The following PDE5A variants were observed in gnomAD, a reference collection of about 807,000 sequenced individuals.
PDE5A encodes cGMP-specific 3',5'-cyclic phosphodiesterase.
Under a neutral mutation model 110.2 loss-of-function variants are expected in PDE5A, and 67 were observed. The ratio of observed to expected loss-of-function variants is 0.61; its 90% CI spans 0.50 to 0.75. The LOEUF (loss-of-function observed/expected upper bound fraction) is 0.75. Ranked by LOEUF, PDE5A falls within the 30% of genes least tolerant of loss-of-function variation. The probability of loss-of-function intolerance (pLI) is 0.00; values close to 1 mark genes in which losing one functional copy is unlikely to be tolerated. For synonymous variants in PDE5A, 328 were observed against 351.2 expected (o/e 0.93, Z 0.74); for missense variants, 862 against 1,045.1 (o/e 0.82, Z 2.42).
At chr4:119,568,254 T>C (rs754662200) in intron 3 of PDE5A, among the ~76,000 whole-genome samples, 21 of 152,166 alleles carry the variant, frequency 1.4e-4, no homozygotes, top group Non-Finnish European at 2.8e-4. Flanking sequence ...TATTTTTACA[T>C]GCTCTTTAGC....
At position 119,553,675 on chromosome 4, in the gene PDE5A, A is replaced by G; in HGVS notation, c.1271T>C (p.Ile424Thr). ...TCTTTTATCCTTACTGACATCTGGG[A>G]TATTAAGTGGTTCCATAGTATTTTT... ...YVKNTMEPLN[I>T]PDVSKDKRFP... is the part of the protein sequence containing the mutation. Residue 424 changes from isoleucine to threonine, a missense_variant, in exon 8 of 21, where the codon ATC becomes ACC. Transcript: ENST00000354960. The G allele has an allele frequency of 6.3e-7, 1 of 1,593,198 alleles. No individual in the cohort carries two copies. Among genetic ancestry groups the G allele is most frequent in the Non-Finnish European group, 8.6e-7 (1 of 1,161,184 alleles).
intron 1 of PDE5A, among the ~76,000 whole-genome samples, chr4:119,624,155 C>G (rs1370128368): frequency 6.6e-6 from 1 of 152,070 alleles, no homozygotes; most frequent in Non-Finnish European, 1.5e-5. Context: ...TATAAAAATA[C>G]TATAAACAAT....
intron 1 of PDE5A, among the ~76,000 whole-genome samples, chr4:119,613,750 G>A (rs377528139): frequency 2.0e-5 from 3 of 151,122 alleles, no homozygotes; most frequent in African/African-American, 7.3e-5. Flanking sequence ...ATTCACATTA[G>A]TGCTACTGAA....
chr4:119,607,075 G>C lies in PDE5A; in HGVS notation c.375C>G (p.Leu125=), dbSNP rs759476959. The change falls in exon 2 of 21, where the codon CTC becomes CTG. Residue 125 remains leucine, a synonymous_variant. Transcript: ENST00000354960. ...VKDSEGTVSF[L]SDSEKKEQMP... is the part of the protein sequence containing the mutation. ...TCTGTTCCTTCTTTTCTGAGTCAGA[G>C]AGGAAGCTCACAGTTCCCTCAGAAT... 1.2e-6 allele frequency: 2 copies of C among 1,614,180 alleles called. No homozygotes were observed. Among genetic ancestry groups the C allele is most frequent in the Non-Finnish European group, 1.7e-6 (2 of 1,180,006 alleles).
intron 20 of PDE5A, 196 bp downstream of exon 20, chr4:119,500,974 T>C: frequency 1.8e-6 from 1 of 550,842 alleles, no homozygotes; most frequent in Non-Finnish European, 3.2e-6. Context: ...TAGCACATAG[T>C]AGGCACTCAA....
intron 1 of PDE5A, among the ~76,000 whole-genome samples, chr4:119,620,236 T>C (rs1730095993): frequency 6.6e-6 from 1 of 152,210 alleles, no homozygotes; most frequent in South Asian, 2.1e-4. Flanking sequence ...TAACCTCTAC[T>C]CTGATGTTAC....
chr4:119,553,368 T>A (rs1423922824), intron 8 of PDE5A, among the ~76,000 whole-genome samples: 3 of 149,548 alleles, frequency 2.0e-5, no homozygotes. Context: ...ATTGACATTA[T>A]GTAGGTAATA....
chr4:119,572,807 G>A (rs1435384765), intron 3 of PDE5A, among the ~76,000 whole-genome samples: 1 of 152,118 alleles, frequency 6.6e-6, no homozygotes, highest in Admixed American at 6.5e-5. Flanking sequence ...GACAACTACT[G>A]ATACAGAATT....
chr4:119,542,667 T>A (rs1268600412), intron 9 of PDE5A, 33 bp from the exon 10 acceptor site: 9 of 1,587,224 alleles, frequency 5.7e-6, no homozygotes, highest in Non-Finnish European at 7.8e-6. Flanking sequence ...GCAAATGTTA[T>A]TGTTGATTAT....
At chr4:119,550,954 A>T (rs1727331649) in intron 9 of PDE5A, among the ~76,000 whole-genome samples, 2 of 152,200 alleles carry the variant, frequency 1.3e-5, no homozygotes, top group Admixed American at 6.5e-5. Flanking sequence ...CAATCTTTAA[A>T]AAAGATCTCA....
intron 1 of PDE5A, chr4:119,628,176 G>T: frequency 3.1e-6 from 1 of 320,920 alleles, no homozygotes. Flanking sequence ...TTTGGGTTTT[G>T]CTGATTGGAT....
chr4:119,558,541 T>C (rs1419121217), intron 7 of PDE5A, among the ~76,000 whole-genome samples: 2 of 152,170 alleles, frequency 1.3e-5, no homozygotes, highest in Admixed American at 6.5e-5. Context: ...AAATAAAGAA[T>C]TTGCTGGTGA....
chr4:119,529,724 C>A (rs536016787), intron 11 of PDE5A, among the ~76,000 whole-genome samples: 3 of 152,138 alleles, frequency 2.0e-5, no homozygotes, highest in African/African-American at 7.2e-5. Flanking sequence ...TAGTTAAATT[C>A]TTTTCTGCTT....
intron 12 of PDE5A, among the ~76,000 whole-genome samples, chr4:119,522,222 TC>T (rs142383799): frequency 0.03 from 4,563 of 152,136 alleles, 88 homozygotes; most frequent in South Asian, 0.068. Context: ...CACTAATGTC[TC>T]CTAACCTTTT....
Position 119,497,433 on chromosome 4 carries a change from G to A in PDE5A, c.*1168C>T, listed in dbSNP as rs1725115489. 1 of 152,100 alleles carries A rather than the reference G, an allele frequency of 6.6e-6. No individual in the cohort carries two copies. Among genetic ancestry groups the A allele is most frequent in the South Asian group, 2.1e-4 (1 of 4,828 alleles). The allele number at this position is 152,100 out of a possible 1,614,324, so 9.4% of individuals were successfully genotyped here. On this transcript the variant is annotated 3_prime_UTR_variant, in exon 21 of 21. Coordinates refer to ENST00000354960, the MANE Select transcript of PDE5A (RefSeq NM_001083.4). ...GTTATGGGAAGAAAATACATTGAAT[G>A]TGAGTTAAGGGCCAGTGTTTAGCAT...
intron 15 of PDE5A, among the ~76,000 whole-genome samples, chr4:119,509,266 G>A (rs897860337): frequency 1.3e-5 from 2 of 152,092 alleles, no homozygotes; most frequent in Non-Finnish European, 2.9e-5. Context: ...GGACAGGCCA[G>A]TCTGGCAGGT....
At position 119,621,747 on chromosome 4, in the gene PDE5A, A is replaced by G. The variant is rs149337765; in HGVS notation, c.152+6773T>C. Among the ~76,000 whole-genome samples the G allele has an allele frequency of 4.9e-4, 75 of 152,374 alleles. No homozygotes were observed. The Middle Eastern group carries it at 0.024, about 48-fold the overall frequency. ...CACAGCTAACCCAATCCCGCAAGCA[A>G]TTAAAATTATGTGCATCAATTCTCT... On this transcript the variant is annotated intron_variant, in intron 1 of 20. Coordinates refer to ENST00000354960, the MANE Select transcript of PDE5A (RefSeq NM_001083.4).
At position 119,519,113 on chromosome 4, in the gene PDE5A, A is replaced by T. The variant is rs767452686; in HGVS notation, c.1932T>A (p.Leu644=). ...IQNKLTDLEI[L]ALLIAALSHD... is the part of the protein sequence containing the mutation. ...GGCTTAGTGCAGCAATCAGCAATGCAAGTATCTCCAGGTCAGTCAGCTTGT... is the reference window on the plus strand; with the variant it reads ...GGCTTAGTGCAGCAATCAGCAATGCTAGTATCTCCAGGTCAGTCAGCTTGT... Residue 644 remains leucine, a synonymous_variant, in exon 14 of 21, where the codon CTT becomes CTA. Transcript: ENST00000354960. 6.2e-6 allele frequency: 10 copies of T among 1,613,810 alleles called. No homozygotes were observed. In the East Asian group the frequency reaches 2.0e-4, roughly 32 times the overall value.
intron 14 of PDE5A, among the ~76,000 whole-genome samples, chr4:119,514,147 A>C (rs1043419706): frequency 6.6e-6 from 1 of 152,148 alleles, no homozygotes; most frequent in East Asian, 1.9e-4. Flanking sequence ...CAGCATACTC[A>C]CTTTGCATTT....
Sources: allele counts gnomAD v4.1 joint callset (sites outside exome capture counted in the v4.1 genomes callset), GRCh38; gene constraint gnomAD v4.1.1; transcripts MANE v1.5; gene names NCBI Gene and HGNC (gene_info 2026-07-23, HGNC 2026-07-21).